KSR2: variants seen among roughly 807,000 people sequenced by gnomAD.
KSR2 encodes the protein kinase suppressor of ras 2.
In KSR2, 25 loss-of-function variants were observed where a neutral mutation model predicts 107.8. That is an observed-to-expected ratio of 0.23 (90% CI 0.17 to 0.32). The LOEUF is 0.32. Ranked by LOEUF, KSR2 falls within the 10% of genes least tolerant of loss-of-function variation. The pLI, the probability that KSR2 is intolerant of heterozygous loss-of-function variation, is 1.00. For missense variants in KSR2, 887 were observed against 1,268.9 expected, an observed-to-expected ratio of 0.70 and a Z score of 4.57; for synonymous variants, 480 against 507.0, an observed-to-expected ratio of 0.95 and a Z score of 0.71.
intron 1 of KSR2, among the ~76,000 whole-genome samples, chr12:117,862,329 T>G (rs1300058559): frequency 6.6e-6 from 1 of 152,060 alleles, no homozygotes; most frequent in Non-Finnish European, 1.5e-5. Context: ...TAAAACACAG[T>G]CAACCAACAT....
chr12:117,584,501 T>C (rs1266877602), intron 5 of KSR2, among the ~76,000 whole-genome samples: 1 of 152,138 alleles, frequency 6.6e-6, no homozygotes, highest in Admixed American at 6.6e-5. Context: ...CCACTAGTAG[T>C]GGCTGCCCAA....
At chr12:117,685,092 T>A (rs1885515621) in intron 4 of KSR2, among the ~76,000 whole-genome samples, 1 of 152,146 alleles carries the variant, frequency 6.6e-6, no homozygotes, top group Non-Finnish European at 1.5e-5. Context: ...CAGAAGCCCA[T>A]GGCTCCCTCT....
At chr12:117,827,910 C>T (rs1229507804) in intron 3 of KSR2, among the ~76,000 whole-genome samples, 1 of 152,194 alleles carries the variant, frequency 6.6e-6, no homozygotes, top group Non-Finnish European at 1.5e-5. Context: ...AGAGTCTGCG[C>T]TCATCACTCT....
At chr12:117,555,020 C>T in intron 9 of KSR2, 149 bp downstream of exon 9, 1 of 916,684 alleles carries the variant, frequency 1.1e-6, no homozygotes, top group Non-Finnish European at 1.7e-6. Flanking sequence ...GTCCCTCAAG[C>T]TTTACTCAAC....
chr12:117,535,218 A>G (rs551849627), intron 10 of KSR2, among the ~76,000 whole-genome samples: 1 of 152,334 alleles, frequency 6.6e-6, no homozygotes, highest in South Asian at 2.1e-4. Context: ...ATTTGAAGAG[A>G]AAAAACTGCA....
At chr12:117,605,582 T>C (rs139080216) in intron 5 of KSR2, among the ~76,000 whole-genome samples, 1 of 152,248 alleles carries the variant, frequency 6.6e-6, no homozygotes, top group East Asian at 1.9e-4. Flanking sequence ...GTATGTGTTG[T>C]TCCCCTTCCT....
chr12:117,936,308 A>AAT (rs1253151491), intron 1 of KSR2, among the ~76,000 whole-genome samples: 115 of 152,220 alleles, frequency 7.6e-4, no homozygotes, highest in African/African-American at 2.7e-3. Flanking sequence ...GATTACAGGC[A>AAT]TGAGCCACCA....
At chr12:117,509,261 C>T (rs554399997) in intron 14 of KSR2, among the ~76,000 whole-genome samples, 2 of 152,274 alleles carry the variant, frequency 1.3e-5, no homozygotes, top group South Asian at 4.2e-4. Context: ...TCTTGGCCCC[C>T]TCCTCCTTCC....
chr12:117,585,204 C>T (rs1879917313), intron 5 of KSR2, among the ~76,000 whole-genome samples: 1 of 152,072 alleles, frequency 6.6e-6, no homozygotes, highest in African/African-American at 2.4e-5. Context: ...GTAGAGAATT[C>T]CTGATCTAGA....
chr12:117,811,138 T>C (rs1891176769), intron 3 of KSR2, among the ~76,000 whole-genome samples: 1 of 151,936 alleles, frequency 6.6e-6, no homozygotes, highest in Non-Finnish European at 1.5e-5. Context: ...AAATAGAAAG[T>C]TCTTGCTTTA....
intron 5 of KSR2, among the ~76,000 whole-genome samples, chr12:117,584,649 C>T (rs979901395): frequency 1.3e-5 from 2 of 152,236 alleles, no homozygotes; most frequent in African/African-American, 2.4e-5. Context: ...GCAGGAACCA[C>T]ATCTCATCTT....
At chr12:117,656,255 A>C (rs890563329) in intron 5 of KSR2, among the ~76,000 whole-genome samples, 1 of 152,192 alleles carries the variant, frequency 6.6e-6, no homozygotes, top group Non-Finnish European at 1.5e-5. Flanking sequence ...TCAGCATTTA[A>C]GCATTGCTAA....
intron 1 of KSR2, among the ~76,000 whole-genome samples, chr12:117,954,628 C>A (rs146238410): frequency 1.4e-4 from 21 of 152,184 alleles, no homozygotes; most frequent in Non-Finnish European, 2.2e-4. Flanking sequence ...GATGGCAGTG[C>A]AGAGCTCAGC....
At chr12:117,692,449 CATATATATATATATAT>C (rs57091494) in intron 4 of KSR2, among the ~76,000 whole-genome samples, 919 of 84,112 alleles carry the variant, frequency 0.011, 29 homozygotes, top group East Asian at 0.038. Context: ...CAACTTCACT[CATATATATATATATAT>C]ATATATATAT....
chr12:117,833,200 T>C (rs958754756), intron 3 of KSR2, among the ~76,000 whole-genome samples: 1 of 152,178 alleles, frequency 6.6e-6, no homozygotes, highest in Non-Finnish European at 1.5e-5. Context: ...GGACAACTCA[T>C]AGCTTAGAAA....
intron 3 of KSR2, among the ~76,000 whole-genome samples, chr12:117,792,491 A>G (rs1374345443): frequency 6.6e-6 from 1 of 152,212 alleles, no homozygotes; most frequent in African/African-American, 2.4e-5. Context: ...GGGAGCCTCT[A>G]TCTCAGAGGA....
intron 1 of KSR2, among the ~76,000 whole-genome samples, chr12:117,886,434 C>T (rs1398973437): frequency 6.6e-6 from 1 of 151,904 alleles, no homozygotes. Context: ...GTGCTTTTCC[C>T]ATGCCTTTGC....
intron 1 of KSR2, among the ~76,000 whole-genome samples, chr12:117,914,892 G>A (rs979791264): frequency 5.3e-5 from 8 of 152,206 alleles, no homozygotes; most frequent in African/African-American, 1.9e-4. Flanking sequence ...AATACGGTGT[G>A]AGCTGAGGGA....
intron 14 of KSR2, among the ~76,000 whole-genome samples, chr12:117,491,863 A>G (rs1200527920): frequency 6.6e-6 from 1 of 152,226 alleles, no homozygotes; most frequent in South Asian, 2.1e-4. Context: ...CTGGCATGTC[A>G]TAAGCCCTCA....
Sources: gnomAD v4.1 joint callset for allele counts (sites outside exome capture counted in the v4.1 genomes callset) on GRCh38, gnomAD v4.1.1 for gene constraint, MANE v1.5 for transcripts, NCBI Gene and HGNC (gene_info 2026-07-23, HGNC 2026-07-21) for gene names.